The following RAB44 variants were observed in gnomAD, a reference collection of about 807,000 sequenced individuals.
RAB44 encodes the protein ras-related protein Rab-44.
In RAB44, 67 loss-of-function variants were observed where a neutral mutation model predicts 93.3. The observed-to-expected ratio is 0.72, with a 90% CI of 0.59 to 0.88. The LOEUF (loss-of-function observed/expected upper bound fraction) is 0.88. RAB44 is among the 40% of genes least tolerant of loss of function. The pLI, the probability that RAB44 is intolerant of heterozygous loss-of-function variation, is 0.00. For missense variants in RAB44, 1,064 were observed against 1,261.7 expected (o/e 0.84, Z 2.37); for synonymous variants, 427 against 520.3 (o/e 0.82, Z 2.44).
In RAB44 at chr6:36,730,657, C is replaced by T. The variant is rs553624810; in HGVS notation, c.2899-16C>T. The T allele has an allele frequency of 2.6e-5, 32 of 1,233,044 alleles. No homozygotes were observed. In the African/African-American group the frequency reaches 4.3e-4, roughly 17 times the overall value. The allele number at this position is 1,233,044 out of a possible 1,614,324, so 76.4% of individuals were successfully genotyped here. A position where few individuals can be genotyped will look rare whatever the true frequency, so the allele number is the denominator to read the frequency against. On this transcript the variant is annotated splice_polypyrimidine_tract_variant and intron_variant, in intron 12 of 13. Transcript: ENST00000612677. ...CTCTCCCAAGGCACATATGTCCCTC[C>T]CTGTCTGGCCTGCAGGAACTGGGGG...
chr6:36,715,555 T>C lies in RAB44; in HGVS notation c.396T>C (p.Ala132=). 1 of 1,536,162 alleles carries C rather than the reference T, an allele frequency of 6.5e-7. No homozygotes were observed. The change falls in exon 4 of 14, where the codon GCT becomes GCC. Residue 132 remains alanine, a synonymous_variant. Transcript: ENST00000612677. The part of the protein sequence containing the change: ...RKPLPSKRVS[A]TTSFPALEEA... ...CACTGCCCTCTAAGCGGGTATCTGCTACCACCAGCTTCCCAGCTCTGGAGG... is the reference window on the plus strand; with the variant it reads ...CACTGCCCTCTAAGCGGGTATCTGCCACCACCAGCTTCCCAGCTCTGGAGG...
Position 36,715,646 on chromosome 6 carries a change from C to A in RAB44, c.487C>A (p.Leu163Ile). 6.5e-7 allele frequency: 1 copy of A among 1,536,030 alleles called. No individual in the cohort carries two copies. The highest frequency in any genetic ancestry group is 1.4e-5 in the African/African-American group (1 of 73,182). The change falls in exon 4 of 14, where the codon CTT becomes ATT. Residue 163 changes from leucine (L) to isoleucine (I), a missense_variant. Physicochemically the swap from Leu to Ile is conservative, Grantham distance 5 (BLOSUM62 2). Transcript: ENST00000612677. Reference sequence around the variant, plus strand: ...GGAGCAGCTGGGGACTGGACACTTACTTCCCAAGTAAGGCCAGGGCGGCAT... The same window carrying A: ...GGAGCAGCTGGGGACTGGACACTTAATTCCCAAGTAAGGCCAGGGCGGCAT... ...FMEQLGTGHL[L>I]PKQMEIWQLW... is the part of the protein sequence containing the mutation.
In RAB44 at chr6:36,722,039, C is replaced by T. The variant is rs1746209017; in HGVS notation, c.1905C>T (p.Gly635=). ...GPVPTERLEQ[G]QAGPAVQEGL... ...TGCCCACAGAGAGGCTGGAGCAGGG[C>T]CAGGCGGGCCCAGCGGTGCAGGAGG... is the stretch of plus-strand genomic sequence containing the variant. Residue 635 remains glycine, a synonymous_variant, in exon 9 of 14, where the codon GGC becomes GGT. Transcript: ENST00000612677. 4 of 1,227,618 alleles carry T rather than the reference C, an allele frequency of 3.3e-6. No individual in the cohort carries two copies. The highest frequency in any genetic ancestry group is 8.2e-5 in the South Asian group (2 of 24,412). 76.0% of individuals were successfully genotyped at this position (1,227,618 alleles called of 1,614,324 possible).
intron 9 of RAB44, among the ~76,000 whole-genome samples, chr6:36,723,681 A>G (rs2150339241): frequency 6.6e-6 from 1 of 151,974 alleles, no homozygotes; most frequent in South Asian, 2.1e-4. Context: ...TAAAAATACA[A>G]AAAATTAGCC....
intron 10 of RAB44, 62 bp downstream of exon 10, chr6:36,726,005 C>A: frequency 7.7e-7 from 1 of 1,303,238 alleles, no homozygotes; most frequent in Non-Finnish European, 1.1e-6. Flanking sequence ...TGCAGAGGGA[C>A]AGGGAGCAGC....
intron 6 of RAB44, 47 bp downstream of exon 6, chr6:36,718,165 C>G (rs1225362970): frequency 8.5e-7 from 1 of 1,182,418 alleles, no homozygotes; most frequent in East Asian, 3.2e-5. Flanking sequence ...CCCGGGACAC[C>G]TCTGCTGGCT....
At chr6:36,728,858 G>A in intron 12 of RAB44, 57 bp downstream of exon 12, 1 of 1,394,994 alleles carries the variant, frequency 7.2e-7, no homozygotes, top group Non-Finnish European at 9.9e-7. Context: ...CACCTCCCTG[G>A]CAGGTGGTGG....
At chr6:36,705,406 CCCTT>C (rs531621206) in intron 2 of RAB44, among the ~76,000 whole-genome samples, 4,570 of 138,762 alleles carry the variant, frequency 0.033, 271 homozygotes, top group African/African-American at 0.1. Flanking sequence ...CTCCCTCCCT[CCCTT>C]CCTTCCTTCC....
intron 2 of RAB44, among the ~76,000 whole-genome samples, chr6:36,713,411 G>C (rs914231138): frequency 6.6e-6 from 1 of 152,084 alleles, no homozygotes; most frequent in African/African-American, 2.4e-5. Context: ...GTCCAGGCTG[G>C]TCTTGAACTC....
chr6:36,724,090 G>A (rs1582641046), intron 9 of RAB44, among the ~76,000 whole-genome samples: 1 of 152,008 alleles, frequency 6.6e-6, no homozygotes, highest in East Asian at 1.9e-4. Flanking sequence ...TAGCAGGCTG[G>A]CCTGATGTTG....
At chr6:36,712,505 C>T (rs1309108034) in intron 2 of RAB44, among the ~76,000 whole-genome samples, 1 of 152,140 alleles carries the variant, frequency 6.6e-6, no homozygotes, top group African/African-American at 2.4e-5. Context: ...GCTGGGATTA[C>T]AGGCGCCCAC....
At chr6:36,715,709 G>A in intron 4 of RAB44, 56 bp downstream of exon 4, 2 of 1,509,330 alleles carry the variant, frequency 1.3e-6, no homozygotes, top group Non-Finnish European at 8.9e-7. Flanking sequence ...TTGACGGCAG[G>A]GGCTTTCCTG....
chr6:36,704,179 C>A, intron 1 of RAB44, 45 bp from the exon 2 acceptor site: 1 of 1,471,368 alleles, frequency 6.8e-7, no homozygotes, highest in Non-Finnish European at 9.2e-7. Context: ...CATGAGAGGG[C>A]GTGACTGTCC....
In RAB44 at chr6:36,717,409, A is replaced by T; in HGVS notation, c.631A>T (p.Thr211Ser). Reference sequence around the variant, plus strand: ...GGCGGACAAGGAGGCCCTGGAGCTGACCCTGAGGAAGTGAGTGGGGGGCCT... The same window carrying T: ...GGCGGACAAGGAGGCCCTGGAGCTGTCCCTGAGGAAGTGAGTGGGGGGCCT... ...AQADKEALELTLRKRDSDHHR... is the reference protein window; with the variant it reads ...AQADKEALELSLRKRDSDHHR... The change falls in exon 5 of 14, where the codon ACC (threonine) becomes TCC (serine). Residue 211 changes from threonine (T) to serine (S), a missense_variant. Transcript: ENST00000612677. The surrounding 1 kb of genome is among the most constrained non-coding windows in gnomAD (Gnocchi z 4.1). 1 of 1,232,128 alleles carries T rather than the reference A, an allele frequency of 8.1e-7. No individual in the cohort carries two copies. Among genetic ancestry groups the T allele is most frequent in the Non-Finnish European group, 1.0e-6 (1 of 988,034 alleles). 76.3% of individuals were successfully genotyped at this position (1,232,128 alleles called of 1,614,324 possible). A position where few individuals can be genotyped will look rare whatever the true frequency, so the allele number is the denominator to read the frequency against.
rs540361772 is a variant in RAB44, at chr6:36,718,570, A to C, written c.810A>C (p.Leu270=). The change falls in exon 7 of 14, where the codon CTA becomes CTC. Residue 270 remains leucine, a synonymous_variant. Transcript: ENST00000612677. ...LEAKEREVQR[L]AEGQRELEAQ... ...CCAAGGAGCGCGAGGTGCAGCGACTAGCTGAGGGCCAGAGGGAGGTGAGTA... is the reference window on the plus strand; with the variant it reads ...CCAAGGAGCGCGAGGTGCAGCGACTCGCTGAGGGCCAGAGGGAGGTGAGTA... 69 of 1,234,108 alleles carry C rather than the reference A, an allele frequency of 5.6e-5. No individual in the cohort carries two copies. The South Asian group carries it at 2.6e-3, about 46-fold the overall frequency. 76.4% of individuals were successfully genotyped at this position (1,234,108 alleles called of 1,614,324 possible). A position where few individuals can be genotyped will look rare whatever the true frequency, so the allele number is the denominator to read the frequency against.
intron 2 of RAB44, among the ~76,000 whole-genome samples, chr6:36,713,598 T>C (rs1159216758): frequency 6.6e-6 from 1 of 152,132 alleles, no homozygotes; most frequent in African/African-American, 2.4e-5. Context: ...TACGTTTTGA[T>C]TTTGGATGGA....
chr6:36,710,866 C>T (rs1762767848), intron 2 of RAB44, among the ~76,000 whole-genome samples: 1 of 152,180 alleles, frequency 6.6e-6, no homozygotes, highest in Non-Finnish European at 1.5e-5. Flanking sequence ...TCAGGTGATC[C>T]ACTTGCCTTG....
chr6:36,727,617 G>T lies in RAB44; in HGVS notation c.2722G>T (p.Gly908Trp). The T allele has an allele frequency of 1.3e-6, 2 of 1,550,610 alleles. No individual in the cohort carries two copies. The highest frequency in any genetic ancestry group is 2.4e-5 in the East Asian group (1 of 40,930). The change falls in exon 11 of 14, where the codon GGG (glycine) becomes TGG (tryptophan). Residue 908 changes from glycine (G) to tryptophan (W), a missense_variant. By Grantham distance (184) the Gly-to-Trp change is radical. Transcript: ENST00000612677. ...MTRQLLRKAD[G>W]VVLMYDITSQ... The stretch of plus-strand genomic sequence containing the variant: ...GCGACAGCTGCTCCGCAAGGCTGAC[G>T]GGGTGGTGCTCATGTACGACATCAC...
chr6:36,725,772 G>GT (rs1386149675), intron 9 of RAB44, 90 bp from the exon 10 acceptor site: 1 of 851,910 alleles, frequency 1.2e-6, no homozygotes, highest in East Asian at 2.7e-5. Context: ...ACCGCAGCTG[G>GT]TACAGGGGAC....
Sources: gnomAD v4.1 joint callset for allele counts (sites outside exome capture counted in the v4.1 genomes callset) on GRCh38, gnomAD v4.1.1 for gene constraint, Gnocchi (gnomAD v3.1) non-coding constraint, MANE v1.5 for transcripts, NCBI Gene and HGNC (gene_info 2026-07-23, HGNC 2026-07-21) for gene names.